FGF13: variants seen among roughly 807,000 people sequenced by gnomAD.
The protein encoded by FGF13 is fibroblast growth factor 13, also known as fibroblast growth factor homologous factor 2.
In FGF13, 2 loss-of-function variants were observed where a neutral mutation model predicts 19.5. The observed-to-expected ratio is 0.10, with a 90% CI of 0.04 to 0.32. The LOEUF is 0.32. Ranked by LOEUF, FGF13 falls within the 10% of genes least tolerant of loss-of-function variation. The pLI, the probability that FGF13 is intolerant of heterozygous loss-of-function variation, is 1.00. For missense variants in FGF13, 113 were observed against 192.7 expected, an observed-to-expected ratio of 0.59 and a Z score of 2.45; for synonymous variants, 72 against 76.9, an observed-to-expected ratio of 0.94 and a Z score of 0.33.
rs2089095333 is a variant in FGF13 at position 138,629,536 on chromosome X, A to G, written c.*3314T>C. On this transcript the variant is annotated 3_prime_UTR_variant, in exon 5 of 5. Coordinates refer to ENST00000315930, the MANE Select transcript of FGF13 (RefSeq NM_004114.5). ...TCTGTTTGATAAGTGGCGCTTTCCC[A>G]TTCTCTCTCCTGCTGCCACGTGGAA... The G allele has an allele frequency of 9.0e-6, 1 of 111,086 alleles. No individual in the cohort carries two copies. Among genetic ancestry groups the G allele is most frequent in the Admixed American group, 9.6e-5 (1 of 10,398 alleles). 9.2% of individuals were successfully genotyped at this position (111,086 alleles called of 1,213,427 possible).
intron 3 of FGF13, among the ~76,000 whole-genome samples, chrX:138,794,487 C>T (rs902839182): frequency 5.4e-5 from 6 of 111,367 alleles, no homozygotes; most frequent in South Asian, 3.8e-4. Context: ...ATTTACATTG[C>T]GACATCATAT....
At chrX:139,040,117 T>G (rs781027591) in intron 1 of FGF13, among the ~76,000 whole-genome samples, 1 of 112,054 alleles carries the variant, frequency 8.9e-6, no homozygotes, top group South Asian at 3.7e-4. Context: ...ATAAAGTGTT[T>G]AAGTGTTTTA....
At chrX:139,148,606 A>T (rs1489735349) in intron 1 of FGF13, among the ~76,000 whole-genome samples, 1 of 90,186 alleles carries the variant, frequency 1.1e-5, no homozygotes, top group Non-Finnish European at 2.1e-5. Context: ...CATTGGTTTA[A>T]AAAAAAAAAA....
chrX:139,197,389 A>C (rs766197302), intron 1 of FGF13, among the ~76,000 whole-genome samples: 35 of 112,856 alleles, frequency 3.1e-4, no homozygotes, highest in African/African-American at 1.1e-3. Context: ...AATAATTTAG[A>C]GGCTACTATT....
At chrX:139,130,123 T>C (rs1395022896) in intron 1 of FGF13, among the ~76,000 whole-genome samples, 2 of 112,206 alleles carry the variant, frequency 1.8e-5, no homozygotes, top group Non-Finnish European at 3.8e-5. Flanking sequence ...TCTGCCTCCT[T>C]ATTCTTCTAT....
At chrX:138,923,702 A>C (rs1488048907) in intron 1 of FGF13, among the ~76,000 whole-genome samples, 1 of 111,613 alleles carries the variant, frequency 9.0e-6, no homozygotes, top group Non-Finnish European at 1.9e-5. Context: ...CTCCTCTTTC[A>C]CAAAGATCCA....
intron 1 of FGF13, among the ~76,000 whole-genome samples, chrX:138,984,575 GAAGAAGAAGAAGA>G: frequency 1.8e-5 from 1 of 54,230 alleles, no homozygotes; most frequent in African/African-American, 7.0e-5. Context: ...AGAAGAAGAA[GAAGAAGAAGAAGA>G]AGGAGGAGGA....
At chrX:139,061,657 CAG>C (rs1231740209) in intron 1 of FGF13, among the ~76,000 whole-genome samples, 1 of 111,379 alleles carries the variant, frequency 9.0e-6, no homozygotes, top group Non-Finnish European at 1.9e-5. Context: ...GCCACAGAAA[CAG>C]AAAATGAACT....
chrX:139,189,331 C>G (rs1244687441), intron 1 of FGF13, among the ~76,000 whole-genome samples: 1 of 111,686 alleles, frequency 9.0e-6, no homozygotes, highest in Non-Finnish European at 1.9e-5. Context: ...GAAAAAAGAT[C>G]TACACCCAAG....
intron 3 of FGF13, among the ~76,000 whole-genome samples, chrX:138,807,814 C>T (rs1569400097): frequency 9.0e-6 from 1 of 111,519 alleles, no homozygotes; most frequent in Non-Finnish European, 1.9e-5. Context: ...ATAAAACAGA[C>T]TTTAAACCAA....
intron 3 of FGF13, among the ~76,000 whole-genome samples, chrX:138,826,018 G>A (rs1392716081): frequency 9.0e-6 from 1 of 111,463 alleles, no homozygotes; most frequent in East Asian, 2.8e-4. Flanking sequence ...CTCCAATTAT[G>A]GGTCTCACAA....
At chrX:138,956,183 G>A (rs1021212033) in intron 1 of FGF13, among the ~76,000 whole-genome samples, 6 of 111,798 alleles carry the variant, frequency 5.4e-5, no homozygotes, top group African/African-American at 1.9e-4. Flanking sequence ...GTGTCTGTGG[G>A]AGGCCAACAG....
chrX:138,965,753 ATGTGTGGTGGCC>A (rs2091892085), intron 1 of FGF13, among the ~76,000 whole-genome samples: 1 of 111,973 alleles, frequency 8.9e-6, no homozygotes, highest in Non-Finnish European at 1.9e-5. Flanking sequence ...GGATCCTTCC[ATGTGTGGTGGCC>A]TGTGCGACTA....
chrX:139,062,381 T>A (rs2092339285), intron 1 of FGF13, among the ~76,000 whole-genome samples: 2 of 112,028 alleles, frequency 1.8e-5, no homozygotes, highest in Non-Finnish European at 3.8e-5. Context: ...AATGCATGGA[T>A]TTATTTCTAG....
intron 1 of FGF13, among the ~76,000 whole-genome samples, chrX:139,179,672 C>A (rs1163375250): frequency 8.9e-6 from 1 of 112,558 alleles, no homozygotes; most frequent in East Asian, 2.8e-4. Flanking sequence ...AGGATTAAAC[C>A]TGCCTCATAT....
chrX:138,978,142 G>C (rs2124327282), intron 1 of FGF13, among the ~76,000 whole-genome samples: 1 of 110,844 alleles, frequency 9.0e-6, no homozygotes, highest in South Asian at 3.9e-4. Context: ...TGACTTGATG[G>C]ACCGTCCATA....
At chrX:139,126,363 A>T (rs1374603122) in intron 1 of FGF13, among the ~76,000 whole-genome samples, 4 of 111,390 alleles carry the variant, frequency 3.6e-5, no homozygotes, top group Non-Finnish European at 7.5e-5. Flanking sequence ...TGCTCCAAAG[A>T]AATCGGGAAT....
chrX:139,176,044 G>T (rs75382972), intron 1 of FGF13, among the ~76,000 whole-genome samples: 1 of 111,737 alleles, frequency 8.9e-6, no homozygotes, highest in East Asian at 2.8e-4. Flanking sequence ...GCTTCTTTTG[G>T]TTGGTAGGCT....
chrX:138,932,544 G>T (rs1460973662), intron 1 of FGF13, among the ~76,000 whole-genome samples: 2 of 110,718 alleles, frequency 1.8e-5, no homozygotes, highest in East Asian at 5.8e-4. Flanking sequence ...AGAGGTTGCA[G>T]TGAGCTGAGA....
Sources: gnomAD v4.1 joint callset for allele counts (sites outside exome capture counted in the v4.1 genomes callset) on GRCh38, gnomAD v4.1.1 for gene constraint, MANE v1.5 for transcripts, NCBI Gene and HGNC (gene_info 2026-07-23, HGNC 2026-07-21) for gene names.